Variants in ASTN2 observed in about 807,000 individuals in gnomAD.
ASTN2 encodes the protein astrotactin 2, also known as astrotactin-2.
In ASTN2, 54 loss-of-function variants were observed where a neutral mutation model predicts 139.8. That is an observed-to-expected ratio of 0.39 (90% CI 0.31 to 0.48). The LOEUF (loss-of-function observed/expected upper bound fraction) is 0.48. Among genes scored for constraint, ASTN2 ranks in the 20% least tolerant of loss-of-function variants. ASTN2 has a pLI of 0.95. For missense variants in ASTN2, 1,565 were observed against 1,725.1 expected, an observed-to-expected ratio of 0.91 and a Z score of 1.64; for synonymous variants, 756 against 719.5, an observed-to-expected ratio of 1.05 and a Z score of -0.81.
At chr9:117,083,671 G>A (rs541436280) in intron 5 of ASTN2, among the ~76,000 whole-genome samples, 7 of 152,308 alleles carry the variant, frequency 4.6e-5, no homozygotes, top group East Asian at 1.9e-4. Context: ...AAGGAAAGGC[G>A]GGTGGGGGAA....
At chr9:117,109,287 AT>A in intron 4 of ASTN2, among the ~76,000 whole-genome samples, 1 of 108,524 alleles carries the variant, frequency 9.2e-6, no homozygotes, top group South Asian at 3.0e-4. Flanking sequence ...GTCTCAAAAA[AT>A]TAATTAATAA....
At chr9:117,336,146 C>CCTGTCTGTA (rs1363027752) in intron 1 of ASTN2, among the ~76,000 whole-genome samples, 1 of 151,612 alleles carries the variant, frequency 6.6e-6, no homozygotes, top group African/African-American at 2.4e-5. Context: ...AACAAGGCCT[C>CCTGTCTGTA]AGACAGGAGG....
chr9:116,783,758 A>G (rs1401953092), intron 13 of ASTN2, among the ~76,000 whole-genome samples: 3 of 152,166 alleles, frequency 2.0e-5, no homozygotes, highest in African/African-American at 7.2e-5. Context: ...ATAGGGCAGT[A>G]CAGGGTGTAA....
chr9:116,991,136 T>C (rs558755297), intron 7 of ASTN2, among the ~76,000 whole-genome samples: 1 of 148,818 alleles, frequency 6.7e-6, no homozygotes, highest in East Asian at 2.0e-4. Context: ...AGACCATTCA[T>C]CACGGTAGCC....
chr9:116,874,280 G>GAT (rs34281520), intron 10 of ASTN2, among the ~76,000 whole-genome samples: 39 of 151,438 alleles, frequency 2.6e-4, no homozygotes, highest in East Asian at 2.2e-3. Context: ...AATTTAGGTT[G>GAT]ATATATATAT....
At chr9:116,556,041 T>C (rs1852597670) in intron 19 of ASTN2, among the ~76,000 whole-genome samples, 1 of 152,176 alleles carries the variant, frequency 6.6e-6, no homozygotes, top group Non-Finnish European at 1.5e-5. Context: ...ACACTTACCA[T>C]GTACATGGCT....
chr9:116,696,625 A>G (rs1373206472), intron 16 of ASTN2, among the ~76,000 whole-genome samples: 1 of 151,888 alleles, frequency 6.6e-6, no homozygotes, highest in Admixed American at 6.6e-5. Flanking sequence ...TGACTCCTCA[A>G]CCCCCATCAA....
chr9:116,760,845 TAATG>T (rs1243493531), intron 13 of ASTN2, among the ~76,000 whole-genome samples: 2 of 151,782 alleles, frequency 1.3e-5, no homozygotes, highest in Admixed American at 6.6e-5. Flanking sequence ...GCTAACAAGA[TAATG>T]AATATTTTCA....
intron 11 of ASTN2, among the ~76,000 whole-genome samples, chr9:116,863,202 C>T (rs1454141437): frequency 6.6e-6 from 1 of 152,186 alleles, no homozygotes; most frequent in Non-Finnish European, 1.5e-5. Context: ...CCGGACCACA[C>T]CAAAGCACCT....
chr9:117,401,735 A>G (rs1004372018), intron 1 of ASTN2, among the ~76,000 whole-genome samples: 1 of 152,210 alleles, frequency 6.6e-6, no homozygotes, highest in Non-Finnish European at 1.5e-5. Flanking sequence ...ACATAAACAA[A>G]GGAGTGTGGC....
At chr9:117,078,351 C>T (rs1828334611) in intron 5 of ASTN2, among the ~76,000 whole-genome samples, 1 of 152,138 alleles carries the variant, frequency 6.6e-6, no homozygotes. Flanking sequence ...AGGCATCTGT[C>T]TCTATATTTT....
intron 16 of ASTN2, among the ~76,000 whole-genome samples, chr9:116,682,705 G>A (rs1172780709): frequency 7.9e-5 from 12 of 151,772 alleles, no homozygotes; most frequent in African/African-American, 2.7e-4. Context: ...CATAAAAAAT[G>A]ATGAGTTCAT....
intron 5 of ASTN2, among the ~76,000 whole-genome samples, chr9:117,076,441 CA>C (rs1180293363): frequency 1.3e-5 from 2 of 152,184 alleles, no homozygotes; most frequent in Admixed American, 1.3e-4. Flanking sequence ...GGATTCATCT[CA>C]TTGAAAGTTT....
intron 19 of ASTN2, among the ~76,000 whole-genome samples, chr9:116,508,485 AGTGTGTGT>A (rs112019921): frequency 1.3e-5 from 2 of 150,092 alleles, no homozygotes; most frequent in East Asian, 3.9e-4. Flanking sequence ...TGTGAGTGTG[AGTGTGTGT>A]GTGTGTGTGT....
At chr9:117,358,104 G>T (rs74418893) in intron 1 of ASTN2, among the ~76,000 whole-genome samples, 1,740 of 152,220 alleles carry the variant, frequency 0.011, 33 homozygotes, top group African/African-American at 0.04. Flanking sequence ...ATATAATGAG[G>T]ATCGATCATA....
rs780559282 is a variant in ASTN2 at position 117,406,890 on chromosome 9, ACACACACAC to A, written c.442+7598_442+7606del. 3.6e-3 allele frequency among the ~76,000 whole-genome samples: 528 copies of A among 145,662 alleles called. 4 individuals are homozygous for A. The highest frequency in any genetic ancestry group is 0.013 in the African/African-American group (496 of 37,086). ...CACACACACACACACACACACACAC[ACACACACAC>A]AACACAGAGGGATAAAAGCTCTCTG... On this transcript the variant is annotated intron_variant, in intron 1 of 22. Coordinates refer to ENST00000313400, the MANE Select transcript of ASTN2 (RefSeq NM_001365068.1).
intron 6 of ASTN2, among the ~76,000 whole-genome samples, chr9:117,038,549 G>T (rs538288956): frequency 6.6e-6 from 1 of 152,204 alleles, no homozygotes; most frequent in East Asian, 1.9e-4. Flanking sequence ...ATTCCTTATG[G>T]TGATGATTTC....
intron 1 of ASTN2, among the ~76,000 whole-genome samples, chr9:117,320,356 G>T (rs1481266945): frequency 6.6e-6 from 1 of 152,182 alleles, no homozygotes; most frequent in African/African-American, 2.4e-5. Context: ...TTGACTTTAT[G>T]CAATACTCAA....
intron 4 of ASTN2, among the ~76,000 whole-genome samples, chr9:117,108,438 AAC>A (rs3041147): frequency 0.07 from 10,218 of 145,234 alleles, 704 homozygotes; most frequent in African/African-American, 0.18. Flanking sequence ...AACAAAACAA[AAC>A]ACACACACAC....
Sources: allele counts gnomAD v4.1 joint callset (sites outside exome capture counted in the v4.1 genomes callset), GRCh38; gene constraint gnomAD v4.1.1; transcripts MANE v1.5; gene names NCBI Gene and HGNC (gene_info 2026-07-23, HGNC 2026-07-21).